KIF21A: variants seen among roughly 807,000 people sequenced by gnomAD.
KIF21A encodes the protein kinesin family member 21A.
Under a neutral mutation model 202.9 loss-of-function variants are expected in KIF21A, and 114 were observed. That is an observed-to-expected ratio of 0.56 (90% CI 0.48 to 0.66). The LOEUF (loss-of-function observed/expected upper bound fraction) is 0.66, where lower values mean the gene tolerates loss of function less well. Among genes scored for constraint, KIF21A ranks in the 30% least tolerant of loss-of-function variants. KIF21A has a pLI of 0.00. For missense variants in KIF21A, 1,677 were observed against 1,994.9 expected (o/e 0.84, Z 3.04); for synonymous variants, 667 against 670.8 (o/e 0.99, Z 0.09).
intron 27 of KIF21A, chr12:39,322,354 G>C (rs796073447): frequency 2.7e-5 from 6 of 226,022 alleles, no homozygotes; most frequent in African/African-American, 1.4e-4. Flanking sequence ...TGGTTTTATA[G>C]GTATAACTTT....
intron 16 of KIF21A, among the ~76,000 whole-genome samples, chr12:39,339,523 C>T (rs562199287): frequency 6.6e-6 from 1 of 152,214 alleles, no homozygotes; most frequent in East Asian, 1.9e-4. Flanking sequence ...TCAGAATGTA[C>T]CATCATTAAG....
At chr12:39,387,464 G>A (rs1399380898) in intron 1 of KIF21A, among the ~76,000 whole-genome samples, 2 of 152,122 alleles carry the variant, frequency 1.3e-5, no homozygotes, top group Non-Finnish European at 2.9e-5. Context: ...GGCTAACAAA[G>A]ATCTTTTTCT....
intron 7 of KIF21A, among the ~76,000 whole-genome samples, chr12:39,361,006 C>G (rs577483808): frequency 2.0e-5 from 3 of 152,150 alleles, no homozygotes; most frequent in African/African-American, 7.2e-5. Flanking sequence ...TTGAGGCACA[C>G]GAAGAAAGGA....
chr12:39,388,701 T>C (rs1440408177), intron 1 of KIF21A, among the ~76,000 whole-genome samples: 1 of 152,192 alleles, frequency 6.6e-6, no homozygotes, highest in East Asian at 1.9e-4. Flanking sequence ...TATAAAACTA[T>C]GACAAGAAAC....
At position 39,311,526 on chromosome 12, in the gene KIF21A, T is replaced by C; in HGVS notation, c.3987A>G (p.Ser1329=). The C allele has an allele frequency of 1.2e-6, 2 of 1,613,146 alleles. No homozygotes were observed. The highest frequency in any genetic ancestry group is 8.5e-7 in the Non-Finnish European group (1 of 1,179,238). ...GAAGTGGAAAAGCTCTGATTCCTTT[T>C]GAAGCAGGAAATGGGTTGATTATGC... ...RRGIINPFPA[S]KGIRAFPLQC... is the part of the protein sequence containing the mutation. The change falls in exon 32 of 38, where the codon TCA becomes TCG. Residue 1329 remains serine, a synonymous_variant. Coordinates refer to ENST00000361418, the MANE Select transcript of KIF21A (RefSeq NM_001173464.2).
chr12:39,402,345 T>G (rs1952230030), intron 1 of KIF21A, among the ~76,000 whole-genome samples: 1 of 152,116 alleles, frequency 6.6e-6, no homozygotes, highest in Admixed American at 6.5e-5. Context: ...AGTTTAAAAG[T>G]TTGTTAGGTT....
At chr12:39,328,479 T>G (rs1946178685) in intron 24 of KIF21A, among the ~76,000 whole-genome samples, 1 of 152,240 alleles carries the variant, frequency 6.6e-6, no homozygotes, top group African/African-American at 2.4e-5. Context: ...ATCATAAATC[T>G]TAGTCATGAA....
At chr12:39,322,544 A>C in intron 27 of KIF21A, 124 bp downstream of exon 27, 2 of 718,742 alleles carry the variant, frequency 2.8e-6, no homozygotes, top group Non-Finnish European at 4.5e-6. Flanking sequence ...CTAGCAAATT[A>C]TTTCGAAAAC....
chr12:39,346,792 A>T (rs1203842633), intron 11 of KIF21A, among the ~76,000 whole-genome samples: 1 of 151,902 alleles, frequency 6.6e-6, no homozygotes, highest in African/African-American at 2.4e-5. Flanking sequence ...AAAAGTTGAT[A>T]AGGATTAGGC....
At chr12:39,416,661 A>ATATATATGTACATATATGTGTG (rs1566265662) in intron 1 of KIF21A, among the ~76,000 whole-genome samples, 1 of 103,584 alleles carries the variant, frequency 9.7e-6, no homozygotes, top group African/African-American at 5.2e-5. Context: ...ATATATGTGT[A>ATATATATGTACATATATGTGTG]TATATATATG....
At position 39,332,688 on chromosome 12, in the gene KIF21A, C is replaced by G. The variant is rs747284586; in HGVS notation, c.2759G>C (p.Arg920Pro). Residue 920 changes from arginine to proline, a missense_variant, in exon 20 of 38, where the codon CGC becomes CCC. Arg to Pro is a moderately radical substitution (Grantham distance 103, BLOSUM62 -2). Around this residue, in one of 3 missense-constraint regions of KIF21A, gnomAD observed 966 missense variants for 1,180.9 expected, o/e 0.82. Transcript: ENST00000361418. ...TGRVFISKTARMKWQLLERRV... is the reference protein window; with the variant it reads ...TGRVFISKTAPMKWQLLERRV... ...GCGCTCAAGGAGCTGCCACTTCATG[C>G]GAGCTGTCTTGGAAATAAACACTCG... 5.6e-6 allele frequency: 9 copies of G among 1,613,960 alleles called. No homozygotes were observed. In the South Asian group the frequency reaches 7.7e-5, roughly 14 times the overall value.
intron 1 of KIF21A, among the ~76,000 whole-genome samples, chr12:39,386,969 A>T (rs1950984845): frequency 6.6e-6 from 1 of 152,030 alleles, no homozygotes; most frequent in Admixed American, 6.6e-5. Context: ...TTACCTTCTC[A>T]CCTAAGCATG....
At chr12:39,420,121 AGCAAGCT>A (rs1954130064) in intron 1 of KIF21A, among the ~76,000 whole-genome samples, 1 of 151,900 alleles carries the variant, frequency 6.6e-6, no homozygotes, top group African/African-American at 2.4e-5. Flanking sequence ...TAACTCAACA[AGCAAGCT>A]GCACTTTTGC....
At position 39,389,490 on chromosome 12, in the gene KIF21A, A is replaced by G. The variant is rs74086512; in HGVS notation, c.45-19229T>C. 3.9e-3 allele frequency among the ~76,000 whole-genome samples: 590 copies of G among 152,326 alleles called. 3 individuals are homozygous for G. The highest frequency in any genetic ancestry group is 0.013 in the African/African-American group (560 of 41,576). ...AGATGCCCTAACTGGCAATTAAAAT[A>G]CAGGCTCCCATGCATCTATTTTCAA... On this transcript the variant is annotated intron_variant, in intron 1 of 37. Coordinates refer to ENST00000361418, the MANE Select transcript of KIF21A (RefSeq NM_001173464.2).
chr12:39,345,395 G>A (rs1456669759), intron 12 of KIF21A, among the ~76,000 whole-genome samples: 2 of 151,828 alleles, frequency 1.3e-5, no homozygotes, highest in African/African-American at 2.4e-5. Context: ...GTTATAGTAT[G>A]ACCAATAAAA....
chr12:39,319,817 T>C, intron 28 of KIF21A, 89 bp downstream of exon 28: 1 of 873,866 alleles, frequency 1.1e-6, no homozygotes, highest in Non-Finnish European at 1.9e-6. Context: ...CCAGCCTAAA[T>C]CTGGAAAATA....
At chr12:39,396,235 T>C (rs113182626) in intron 1 of KIF21A, among the ~76,000 whole-genome samples, 1 of 152,174 alleles carries the variant, frequency 6.6e-6, no homozygotes, top group Non-Finnish European at 1.5e-5. Flanking sequence ...AATGTAAGAA[T>C]GTACTTTAAA....
At position 39,341,634 on chromosome 12, in the gene KIF21A, T is replaced by C. The variant is rs1277009427; in HGVS notation, c.1804-12A>G. ...TCTTGACTTTCTTCCTAAAATGTGA[T>C]TTGTAAAAATTAATAGCACAATATT... On this transcript the variant is annotated splice_polypyrimidine_tract_variant and intron_variant, in intron 13 of 37. Coordinates refer to ENST00000361418, the MANE Select transcript of KIF21A (RefSeq NM_001173464.2). 1.3e-6 allele frequency: 2 copies of C among 1,592,742 alleles called. No individual in the cohort carries two copies. The highest frequency in any genetic ancestry group is 1.3e-5 in the African/African-American group (1 of 74,428).
intron 1 of KIF21A, among the ~76,000 whole-genome samples, chr12:39,395,928 C>T (rs939137362): frequency 6.6e-6 from 1 of 151,566 alleles, no homozygotes; most frequent in African/African-American, 2.4e-5. Context: ...CCTTCCCTCT[C>T]TAAACACCCC....
Sources: allele counts gnomAD v4.1 joint callset (sites outside exome capture counted in the v4.1 genomes callset), GRCh38; gene constraint gnomAD v4.1.1; regional missense constraint gnomAD v4.1.1; transcripts MANE v1.5; gene names NCBI Gene and HGNC (gene_info 2026-07-23, HGNC 2026-07-21).